Variants in ITGA1 observed in about 807,000 individuals in gnomAD.
ITGA1 encodes the protein integrin subunit alpha 1.
A neutral mutation model predicts 145.9 loss-of-function variants in ITGA1; 85 were observed. The observed-to-expected ratio is 0.58, with a 90% CI of 0.49 to 0.70. The LOEUF is 0.70. Among genes scored for constraint, ITGA1 ranks in the 30% least tolerant of loss-of-function variants. The pLI, the probability that ITGA1 is intolerant of heterozygous loss-of-function variation, is 0.00. For missense variants in ITGA1, 1,351 were observed against 1,418.7 expected, an observed-to-expected ratio of 0.95 and a Z score of 0.77; for synonymous variants, 520 against 495.3, an observed-to-expected ratio of 1.05 and a Z score of -0.66.
At chr5:52,894,570 T>G (rs960350802) in intron 9 of ITGA1, among the ~76,000 whole-genome samples, 2 of 152,132 alleles carry the variant, frequency 1.3e-5, no homozygotes, top group Non-Finnish European at 2.9e-5. Context: ...TGGCAAAGCT[T>G]CTTTCTTCAC....
chr5:52,800,284 A>G (rs537494691), intron 1 of ITGA1: 9 of 1,195,812 alleles, frequency 7.5e-6, no homozygotes, highest in South Asian at 1.4e-5. Context: ...AAGTGCCCTT[A>G]GAAACCGGGC....
intron 2 of ITGA1, among the ~76,000 whole-genome samples, chr5:52,857,468 C>T (rs1580065293): frequency 6.6e-6 from 1 of 151,654 alleles, no homozygotes; most frequent in Admixed American, 6.6e-5. Flanking sequence ...TTTGTCATTG[C>T]CCTGAAAAAA....
chr5:52,920,822 T>C (rs544981704), intron 17 of ITGA1, among the ~76,000 whole-genome samples: 2 of 152,308 alleles, frequency 1.3e-5, no homozygotes, highest in South Asian at 4.1e-4. Context: ...TCTGTGGGCC[T>C]TGTCTGTCAG....
chr5:52,911,605 ATATATATAGTGTATCTACTATATATAC>A (rs1561246417), intron 14 of ITGA1, among the ~76,000 whole-genome samples: 56 of 45,316 alleles, frequency 1.2e-3, no homozygotes, highest in East Asian at 1.7e-3. Flanking sequence ...TATATATACT[ATATATATAGTGTATCTACTATATATAC>A]TATATATAGT....
At chr5:52,862,309 G>A (rs192303176) in intron 3 of ITGA1, among the ~76,000 whole-genome samples, 142 of 151,746 alleles carry the variant, frequency 9.4e-4, no homozygotes, top group Middle Eastern at 3.4e-3. Context: ...ATGGTCGAGC[G>A]GTCTAAGGCG....
chr5:52,901,784 T>C (rs1387473150), intron 11 of ITGA1: 1 of 152,228 alleles, frequency 6.6e-6, no homozygotes, highest in Non-Finnish European at 1.5e-5. Flanking sequence ...GAGCACAGTA[T>C]TTATAATATA....
At chr5:52,841,226 T>C (rs1044924575) in intron 1 of ITGA1, among the ~76,000 whole-genome samples, 1 of 152,244 alleles carries the variant, frequency 6.6e-6, no homozygotes, top group African/African-American at 2.4e-5. Context: ...ATTAATTGTA[T>C]TGGGAAGTTC....
chr5:52,881,965 A>G lies in ITGA1; in HGVS notation c.717A>G (p.Lys239=), dbSNP rs1749967886. Residue 239 remains lysine (K), a synonymous_variant, in exon 7 of 29, where the codon AAA becomes AAG. Coordinates refer to ENST00000282588, the MANE Select transcript of ITGA1 (RefSeq NM_181501.2). The part of the protein sequence containing the change: ...STEEVLVAAK[K]IVQRGGRQTM... ...AAGAGGTACTTGTTGCAGCAAAGAA[A>G]ATAGTCCAGAGAGGTGGCCGCCAGA... 6.2e-7 allele frequency: 1 copy of G among 1,613,846 alleles called. No homozygotes were observed. Among genetic ancestry groups the G allele is most frequent in the South Asian group, 1.1e-5 (1 of 91,058 alleles).
chr5:52,802,656 T>C (rs1031891348), intron 1 of ITGA1: 1 of 152,230 alleles, frequency 6.6e-6, no homozygotes, highest in African/African-American at 2.4e-5. Context: ...GTCTGGACTT[T>C]AGTTCTTTGC....
intron 14 of ITGA1, among the ~76,000 whole-genome samples, chr5:52,913,797 A>G (rs1007336139): frequency 1.6e-4 from 25 of 152,204 alleles, no homozygotes; most frequent in African/African-American, 5.8e-4. Context: ...TAATGCAAAC[A>G]TGAGTGATTT....
intron 1 of ITGA1, among the ~76,000 whole-genome samples, chr5:52,841,627 A>T (rs1580057013): frequency 6.6e-6 from 1 of 152,226 alleles, no homozygotes; most frequent in African/African-American, 2.4e-5. Context: ...AAAATTTCCA[A>T]CCCATAAGAC....
intron 7 of ITGA1, among the ~76,000 whole-genome samples, chr5:52,887,004 C>G (rs1750062942): frequency 6.6e-6 from 1 of 152,154 alleles, no homozygotes; most frequent in African/African-American, 2.4e-5. Flanking sequence ...GTCTCGATCT[C>G]TTGACCTCGT....
At chr5:52,930,841 G>T (rs536244147) in intron 21 of ITGA1, among the ~76,000 whole-genome samples, 15 of 152,248 alleles carry the variant, frequency 9.9e-5, no homozygotes, top group African/African-American at 3.4e-4. Context: ...GGTACTGAAT[G>T]TCAGTCAAGG....
In ITGA1 at chr5:52,793,210, T is replaced by C. The variant is rs115994327; in HGVS notation, c.61+4796T>C. Among the ~76,000 whole-genome samples, 1,002 of 152,212 alleles carry C rather than the reference T, an allele frequency of 6.6e-3. 19 individuals carry two copies. Among genetic ancestry groups the C allele is most frequent in the African/African-American group, 0.023 (974 of 41,556 alleles). On this transcript the variant is annotated intron_variant, in intron 1 of 28. Transcript: ENST00000282588. ...TTGCCTGTCTTTCCAGCTTGCTGTA[T>C]GCTCTGTGAGGGTAGGATCTTTAAC...
intron 1 of ITGA1, among the ~76,000 whole-genome samples, chr5:52,842,084 T>G (rs1749262735): frequency 6.6e-6 from 1 of 152,194 alleles, no homozygotes; most frequent in Non-Finnish European, 1.5e-5. Context: ...CACCCTGTCC[T>G]TGTAATAGAC....
chr5:52,936,728 A>G (rs16880534), intron 23 of ITGA1, among the ~76,000 whole-genome samples: 41,021 of 152,098 alleles, frequency 0.27, 6,250 homozygotes, highest in African/African-American at 0.4. Flanking sequence ...TACACTCACT[A>G]CTGGTAGCAG....
chr5:52,882,361 C>A (rs1749974276), intron 7 of ITGA1, among the ~76,000 whole-genome samples: 1 of 151,996 alleles, frequency 6.6e-6, no homozygotes, highest in African/African-American at 2.4e-5. Flanking sequence ...GAGTCTCAAT[C>A]TAAAAGAACG....
At chr5:52,791,616 C>T (rs1410252330) in intron 1 of ITGA1, among the ~76,000 whole-genome samples, 2 of 152,154 alleles carry the variant, frequency 1.3e-5, no homozygotes, top group Non-Finnish European at 2.9e-5. Flanking sequence ...CAACTTAACC[C>T]CGAAATGTAT....
chr5:52,861,237 A>ATG lies in ITGA1; in HGVS notation c.183-198_183-197dup, dbSNP rs148729951. ...TGCTATATATGTATATTGTATATGT[A>ATG]TGTGTGTGTGTGTATATATACTTTT... On this transcript the variant is annotated intron_variant, in intron 2 of 28. Transcript: ENST00000282588. Among the ~76,000 whole-genome samples the ATG allele has an allele frequency of 7.3e-3, 1,112 of 151,896 alleles. 17 individuals are homozygous for ATG. Among genetic ancestry groups the ATG allele is most frequent in the African/African-American group, 0.024 (974 of 41,354 alleles).
Sources: gnomAD v4.1 joint callset for allele counts (sites outside exome capture counted in the v4.1 genomes callset) on GRCh38, gnomAD v4.1.1 for gene constraint, MANE v1.5 for transcripts, NCBI Gene and HGNC (gene_info 2026-07-23, HGNC 2026-07-21) for gene names.